ADAMTSL1: variants seen among roughly 807,000 people sequenced by gnomAD.
ADAMTSL1 encodes ADAMTS-like protein 1.
In ADAMTSL1, 126 loss-of-function variants were observed where a neutral mutation model predicts 201.8. That is an observed-to-expected ratio of 0.62 (90% CI 0.54 to 0.72). The LOEUF (loss-of-function observed/expected upper bound fraction) is 0.72, where lower values mean the gene tolerates loss of function less well. ADAMTSL1 is among the 30% of genes least tolerant of loss of function. The probability of loss-of-function intolerance (pLI) is 0.00; values close to 1 mark genes in which losing one functional copy is unlikely to be tolerated. For missense variants in ADAMTSL1, 2,679 were observed against 2,277.8 expected, an observed-to-expected ratio of 1.18 and a Z score of -3.59; for synonymous variants, 1,121 against 903.4, an observed-to-expected ratio of 1.24 and a Z score of -4.32.
intron 13 of ADAMTSL1, 125 bp from the exon 14 acceptor site, chr9:18,706,622 G>T: frequency 1.1e-6 from 1 of 925,774 alleles, no homozygotes; most frequent in Non-Finnish European, 1.6e-6. Context: ...CAGGGTGGAG[G>T]AGCCCTGAGT....
At chr9:18,712,227 A>T (rs1832661675) in intron 14 of ADAMTSL1, among the ~76,000 whole-genome samples, 1 of 152,280 alleles carries the variant, frequency 6.6e-6, no homozygotes, top group Admixed American at 6.5e-5. Context: ...CCTCACCAGC[A>T]ACGGAACAAA....
intron 14 of ADAMTSL1, among the ~76,000 whole-genome samples, chr9:18,715,244 T>C (rs371475586): frequency 1.2e-4 from 18 of 146,058 alleles, no homozygotes; most frequent in African/African-American, 3.3e-4. Flanking sequence ...CCAGGGCAAT[T>C]AGGCAGGAGA....
chr9:18,175,515 T>C (rs2132145302), intron 2 of ADAMTSL1, among the ~76,000 whole-genome samples: 1 of 152,326 alleles, frequency 6.6e-6, no homozygotes. Context: ...CTTAGTCTGA[T>C]TCCTACTTAA....
chr9:17,999,090 A>G (rs1281880689), intron 1 of ADAMTSL1, among the ~76,000 whole-genome samples: 1 of 152,098 alleles, frequency 6.6e-6, no homozygotes, highest in East Asian at 1.9e-4. Context: ...GAATAAAGAA[A>G]TAATAACATG....
At chr9:18,686,442 G>A (rs1455398101) in intron 13 of ADAMTSL1, among the ~76,000 whole-genome samples, 1 of 152,176 alleles carries the variant, frequency 6.6e-6, no homozygotes, top group Non-Finnish European at 1.5e-5. Flanking sequence ...TACCTGATTT[G>A]ACAGGCCTTT....
chr9:18,489,305 A>T (rs926115700), intron 1 of ADAMTSL1, among the ~76,000 whole-genome samples: 3 of 152,216 alleles, frequency 2.0e-5, no homozygotes, highest in African/African-American at 7.2e-5. Context: ...TAAAACAGGG[A>T]TAATATACTG....
At chr9:17,950,946 C>CT (rs899617187) in intron 1 of ADAMTSL1, among the ~76,000 whole-genome samples, 16 of 152,128 alleles carry the variant, frequency 1.1e-4, no homozygotes, top group Admixed American at 5.9e-4. Context: ...CACCCCTAGG[C>CT]TTGACCCAGG....
chr9:18,594,133 G>A (rs1372791298), intron 4 of ADAMTSL1, among the ~76,000 whole-genome samples: 6 of 151,892 alleles, frequency 4.0e-5, no homozygotes, highest in Admixed American at 3.3e-4. Context: ...TTTTTACAGG[G>A]TACAATCTTT....
chr9:18,721,244 G>T (rs1480114487), intron 14 of ADAMTSL1, among the ~76,000 whole-genome samples: 2 of 152,238 alleles, frequency 1.3e-5, no homozygotes, highest in African/African-American at 4.8e-5. Flanking sequence ...CATTAGCCTC[G>T]TGGCATTTTT....
At chr9:18,611,337 TG>T (rs1322311891) in intron 4 of ADAMTSL1, among the ~76,000 whole-genome samples, 8 of 152,160 alleles carry the variant, frequency 5.3e-5, no homozygotes, top group Admixed American at 5.2e-4. Flanking sequence ...ACCCTAATTT[TG>T]GAAGCAGGGG....
At position 18,892,358 on chromosome 9, in the gene ADAMTSL1, G is replaced by A. The variant is rs780706995; in HGVS notation, c.4644-31G>A. The A allele has an allele frequency of 3.8e-6, 6 of 1,595,380 alleles. No individual in the cohort carries two copies. In the South Asian group the frequency reaches 5.7e-5, roughly 15 times the overall value. On this transcript the variant is annotated intron_variant, in intron 25 of 28. Transcript: ENST00000380548. ...CTTTTCCCCAGGGCCTGTCCCTTTA[G>A]GGCTCTCCTGACACTTCTTCCTCTC...
chr9:18,115,930 T>G (rs775920677), intron 1 of ADAMTSL1, among the ~76,000 whole-genome samples: 1 of 152,194 alleles, frequency 6.6e-6, no homozygotes, highest in Non-Finnish European at 1.5e-5. Context: ...TCTCTAACAG[T>G]ACTCAGAATG....
chr9:18,405,059 C>T (rs1818132246), intron 2 of ADAMTSL1, among the ~76,000 whole-genome samples: 1 of 152,104 alleles, frequency 6.6e-6, no homozygotes, highest in African/African-American at 2.4e-5. Context: ...GCAACTGGCC[C>T]CTAAATACCT....
At chr9:18,809,879 T>C (rs1823397141) in intron 20 of ADAMTSL1, among the ~76,000 whole-genome samples, 1 of 152,186 alleles carries the variant, frequency 6.6e-6, no homozygotes, top group Non-Finnish European at 1.5e-5. Context: ...AAAAGTTGTA[T>C]GGTTTGATTC....
At chr9:18,484,286 C>A (rs1223108428) in intron 1 of ADAMTSL1, among the ~76,000 whole-genome samples, 1 of 152,140 alleles carries the variant, frequency 6.6e-6, no homozygotes, top group East Asian at 1.9e-4. Context: ...TTTTATGTTG[C>A]TGTCATGATA....
intron 2 of ADAMTSL1, among the ~76,000 whole-genome samples, chr9:18,167,692 C>T (rs1031696844): frequency 2.6e-5 from 4 of 151,922 alleles, no homozygotes; most frequent in African/African-American, 4.8e-5. Flanking sequence ...TGGAATATAA[C>T]TATTTCCATG....
intron 1 of ADAMTSL1, among the ~76,000 whole-genome samples, chr9:17,907,661 G>A (rs1341251512): frequency 6.6e-6 from 1 of 152,218 alleles, no homozygotes; most frequent in Non-Finnish European, 1.5e-5. Context: ...CTGGGAGAGG[G>A]TGTCTGATTA....
chr9:18,639,433 C>A (rs753495371), intron 7 of ADAMTSL1, 22 bp downstream of exon 7: 1 of 1,601,432 alleles, frequency 6.2e-7, no homozygotes, highest in East Asian at 2.2e-5. Flanking sequence ...TTAGATACCT[C>A]CTTTTCAAGC....
chr9:18,211,123 T>G (rs958716248), intron 2 of ADAMTSL1, among the ~76,000 whole-genome samples: 8 of 152,152 alleles, frequency 5.3e-5, no homozygotes, highest in Non-Finnish European at 1.2e-4. Flanking sequence ...TCCCAAATTT[T>G]TAAACACTCC....
Sources: gnomAD v4.1 joint callset for allele counts (sites outside exome capture counted in the v4.1 genomes callset) on GRCh38, gnomAD v4.1.1 for gene constraint, MANE v1.5 for transcripts, NCBI Gene and HGNC (gene_info 2026-07-23, HGNC 2026-07-21) for gene names.